The following ADAMTS2 variants were observed in gnomAD, a reference collection of about 807,000 sequenced individuals.
ADAMTS2 encodes the protein ADAM metallopeptidase with thrombospondin type 1 motif 2.
Under a neutral mutation model 123.0 loss-of-function variants are expected in ADAMTS2, and 50 were observed. The observed-to-expected ratio is 0.41, with a 90% confidence interval of 0.32 to 0.51. ADAMTS2 has a LOEUF of 0.51. Among genes scored for constraint, ADAMTS2 ranks in the 20% least tolerant of loss-of-function variants. The pLI is 0.35. For missense variants in ADAMTS2, 1,494 were observed against 1,705.2 expected (o/e 0.88, Z 2.18); for synonymous variants, 678 against 695.4 (o/e 0.98, Z 0.39).
intron 3 of ADAMTS2, among the ~76,000 whole-genome samples, chr5:179,266,230 C>T (rs796734233): frequency 7.9e-5 from 12 of 152,308 alleles, no homozygotes; most frequent in African/African-American, 2.4e-4. Flanking sequence ...GACCCCCGGA[C>T]GTCCATGTCC....
intron 21 of ADAMTS2, among the ~76,000 whole-genome samples, chr5:179,119,677 T>C (rs1366855006): frequency 6.6e-6 from 1 of 152,176 alleles, no homozygotes; most frequent in Admixed American, 6.5e-5. Flanking sequence ...CTGAGCCGGA[T>C]GGGCACCTCT....
chr5:179,131,113 C>G (rs1246155387), intron 15 of ADAMTS2, among the ~76,000 whole-genome samples: 4 of 151,616 alleles, frequency 2.6e-5, no homozygotes, highest in African/African-American at 9.7e-5. Context: ...GAAATGGAGA[C>G]CATCCTGGCT....
At chr5:179,204,632 T>C (rs1181508356) in intron 4 of ADAMTS2, among the ~76,000 whole-genome samples, 4 of 152,202 alleles carry the variant, frequency 2.6e-5, no homozygotes, top group African/African-American at 4.8e-5. Context: ...CTTAGATCTG[T>C]CCTCAGGACT....
intron 1 of ADAMTS2, among the ~76,000 whole-genome samples, chr5:179,344,967 C>A (rs1757898632): frequency 6.6e-6 from 1 of 151,978 alleles, no homozygotes; most frequent in Non-Finnish European, 1.5e-5. Flanking sequence ...ACTCAGGAGC[C>A]GCCAGTGCTC....
At chr5:179,327,723 AGAAGAAGCAGCACCTG>A (rs1390346039) in intron 2 of ADAMTS2, among the ~76,000 whole-genome samples, 1 of 152,242 alleles carries the variant, frequency 6.6e-6, no homozygotes, top group Non-Finnish European at 1.5e-5. Context: ...CAGCATTCAC[AGAAGAAGCAGCACCTG>A]GTTCTCAATT....
rs1170675913 is a variant in ADAMTS2 at position 179,117,651 on chromosome 5, C to T, written c.3179-3327G>A. 6.6e-6 allele frequency among the ~76,000 whole-genome samples: 1 copy of T among 151,348 alleles called. No individual in the cohort carries two copies. The highest frequency in any genetic ancestry group is 1.5e-5 in the Non-Finnish European group (1 of 67,994). ...CACTGCAACCTCCGCCTCCTGGGTT[C>T]AAGAGCCTCCCGAGTAGCTGGGACT... On this transcript the variant is annotated intron_variant, in intron 21 of 21. Coordinates refer to ENST00000251582, the MANE Select transcript of ADAMTS2 (RefSeq NM_014244.5). The surrounding 1 kb of genome is among the most constrained non-coding windows in gnomAD (Gnocchi z 4.2).
rs1764231474 is a variant in ADAMTS2, at chr5:179,188,816, C to T, written c.892-7661G>A. On this transcript the variant is annotated intron_variant, in intron 4 of 21. Transcript: ENST00000251582. This position sits in a 1 kb window ranked among gnomAD's most constrained non-coding sequence, Gnocchi z 5.1. ...GGGACGGGGCTCCTCCACTTCCAGG[C>T]CAGCTCATCAATGCACAGAGCCCAG... Among the ~76,000 whole-genome samples the T allele has an allele frequency of 6.6e-6, 1 of 152,122 alleles. No homozygotes were observed. The highest frequency in any genetic ancestry group is 2.4e-5 in the African/African-American group (1 of 41,404).
At chr5:179,222,849 G>T (rs533344558) in intron 3 of ADAMTS2, among the ~76,000 whole-genome samples, 38 of 152,292 alleles carry the variant, frequency 2.5e-4, no homozygotes, top group African/African-American at 8.7e-4. Flanking sequence ...AGCAGCCCCT[G>T]CAGGGCCCAG....
At chr5:179,275,876 G>A (rs916144793) in intron 2 of ADAMTS2, among the ~76,000 whole-genome samples, 19 of 152,186 alleles carry the variant, frequency 1.2e-4, no homozygotes, top group African/African-American at 4.1e-4. Flanking sequence ...GTGGGTGGCC[G>A]GCAAAGTGGG....
intron 5 of ADAMTS2, among the ~76,000 whole-genome samples, chr5:179,169,629 CT>C (rs1763776366): frequency 6.6e-6 from 1 of 152,168 alleles, no homozygotes; most frequent in African/African-American, 2.4e-5. Flanking sequence ...ACCTCATCCC[CT>C]GTCCCAGATC....
At position 179,345,243 on chromosome 5, in the gene ADAMTS2, G is replaced by C; in HGVS notation, c.86C>G (p.Pro29Arg). Reference sequence around the variant, plus strand: ...GGCGTTCGCGGGCGGCGGCGGCGGCGGCAGGAGCGGCGGCGGCAGCAGCAG... The same window carrying C: ...GGCGTTCGCGGGCGGCGGCGGCGGCCGCAGGAGCGGCGGCGGCAGCAGCAG... ...LLLLLPPPLL[P>R]PPPPPANARL... Residue 29 changes from proline to arginine, a missense_variant, in exon 1 of 22, where the codon CCG becomes CGG. Physicochemically the swap from Pro to Arg is moderately radical, Grantham distance 103 (BLOSUM62 -2). This residue lies in a region of ADAMTS2 where 237 missense variants were observed against 233.7 expected (regional missense o/e 1.01). Coordinates refer to ENST00000251582, the MANE Select transcript of ADAMTS2 (RefSeq NM_014244.5). This position sits in a 1 kb window ranked among gnomAD's most constrained non-coding sequence, Gnocchi z 7.5. 2 of 1,146,624 alleles carry C rather than the reference G, an allele frequency of 1.7e-6. No homozygotes were observed. Among genetic ancestry groups the C allele is most frequent in the Non-Finnish European group, 2.1e-6 (2 of 939,544 alleles). 71.0% of individuals were successfully genotyped at this position (1,146,624 alleles called of 1,614,324 possible).
At chr5:179,236,760 C>G (rs1410535807) in intron 3 of ADAMTS2, among the ~76,000 whole-genome samples, 4 of 152,212 alleles carry the variant, frequency 2.6e-5, no homozygotes, top group Non-Finnish European at 5.9e-5. Flanking sequence ...TGCTGCACTT[C>G]AGCCTGGGTG....
In ADAMTS2 at chr5:179,308,680, G is replaced by A. The variant is rs1756743003; in HGVS notation, c.534+35087C>T. ...AATTCCCAAGGCCTCTCAGAGAAGT[G>A]CCTCCTTCCTAAGGTGGTGTCCCAG... On this transcript the variant is annotated intron_variant, in intron 2 of 21. Coordinates refer to ENST00000251582, the MANE Select transcript of ADAMTS2 (RefSeq NM_014244.5). This position sits in a 1 kb window ranked among gnomAD's most constrained non-coding sequence, Gnocchi z 6.6. 6.6e-6 allele frequency among the ~76,000 whole-genome samples: 1 copy of A among 152,176 alleles called. No homozygotes were observed. Among genetic ancestry groups the A allele is most frequent in the South Asian group, 2.1e-4 (1 of 4,828 alleles).
Position 179,337,798 on chromosome 5 carries a change from T to C in ADAMTS2, c.534+5969A>G, listed in dbSNP as rs199835921. ...GCTGATTCCCTTACTCACCCAGGTGTGGCCCCTGTGAGCCTCACAGCAGGC... is the reference window on the plus strand; with the variant it reads ...GCTGATTCCCTTACTCACCCAGGTGCGGCCCCTGTGAGCCTCACAGCAGGC... On this transcript the variant is annotated intron_variant, in intron 2 of 21. Coordinates refer to ENST00000251582, the MANE Select transcript of ADAMTS2 (RefSeq NM_014244.5). Among the ~76,000 whole-genome samples, 1,447 of 150,078 alleles carry C rather than the reference T, an allele frequency of 9.6e-3. 26 individuals are homozygous for C. The highest frequency in any genetic ancestry group is 0.032 in the African/African-American group (1,314 of 40,834).
rs1210526561 is a variant in ADAMTS2 at position 179,207,735 on chromosome 5, T to C, written c.689-20A>G. 2 of 1,606,546 alleles carry C rather than the reference T, an allele frequency of 1.2e-6. No homozygotes were observed. Among genetic ancestry groups the C allele is most frequent in the Non-Finnish European group, 1.7e-6 (2 of 1,179,582 alleles). On this transcript the variant is annotated intron_variant, in intron 3 of 21. Coordinates refer to ENST00000251582, the MANE Select transcript of ADAMTS2 (RefSeq NM_014244.5). Reference sequence around the variant, plus strand: ...AGGCCCCTGCAAGGAGAGGACACCGTCTTCAGCGGCAGGGCAAACCCACCC... The same window carrying C: ...AGGCCCCTGCAAGGAGAGGACACCGCCTTCAGCGGCAGGGCAAACCCACCC...
At position 179,129,976 on chromosome 5, in the gene ADAMTS2, T is replaced by C. The variant is rs1762930117; in HGVS notation, c.2413A>G (p.Thr805Ala). Residue 805 changes from threonine to alanine, a missense_variant, in exon 16 of 22, where the codon ACG becomes GCG. Physicochemically the swap from Thr to Ala is moderately conservative, Grantham distance 58 (BLOSUM62 0). Around this residue, in one of 6 missense-constraint regions of ADAMTS2, gnomAD observed 953 missense variants for 1,124.7 expected, o/e 0.85. Transcript: ENST00000251582. This position sits in a 1 kb window ranked among gnomAD's most constrained non-coding sequence, Gnocchi z 4.1. ...TGGAGGGGGCCCATGGTCTGCAGCGTCTCCCGGCCGTCCTCGTCTCTGTAC... is the reference window on the plus strand; with the variant it reads ...TGGAGGGGGCCCATGGTCTGCAGCGCCTCCCGGCCGTCCTCGTCTCTGTAC... ...WEYRDEDGRE[T>A]LQTMGPLHGT... The C allele has an allele frequency of 6.2e-7, 1 of 1,613,842 alleles. No homozygotes were observed. The highest frequency in any genetic ancestry group is 1.1e-5 in the South Asian group (1 of 91,084).
chr5:179,207,645 C>T lies in ADAMTS2; in HGVS notation c.759G>A (p.Ser253=), dbSNP rs374180760. ...CAGCATGCCTGCGTGCCCTCCGCCT[C>T]GAGCTGTTGGCGTGCTCCTCTAGGA... The part of the protein sequence containing the change: ...LGVLEEHANS[S]RRRARRHAAD... Residue 253 remains serine (S), a synonymous_variant, in exon 4 of 22, where the codon TCG becomes TCA. Coordinates refer to ENST00000251582, the MANE Select transcript of ADAMTS2 (RefSeq NM_014244.5). 3.1e-4 allele frequency: 503 copies of T among 1,613,626 alleles called. 1 individual carries two copies. The highest frequency in any genetic ancestry group is 1.4e-3 in the Admixed American group (84 of 60,006).
At chr5:179,296,070 G>A (rs931307297) in intron 2 of ADAMTS2, among the ~76,000 whole-genome samples, 8 of 152,356 alleles carry the variant, frequency 5.3e-5, no homozygotes, top group East Asian at 1.9e-4. Flanking sequence ...AGAGCAAACC[G>A]AGGAGCTGGC....
At chr5:179,249,110 A>G (rs1307752120) in intron 3 of ADAMTS2, among the ~76,000 whole-genome samples, 1 of 152,180 alleles carries the variant, frequency 6.6e-6, no homozygotes, top group African/African-American at 2.4e-5. Context: ...ACAAATATGT[A>G]GAAATTTAAC....
Sources: allele counts gnomAD v4.1 joint callset (sites outside exome capture counted in the v4.1 genomes callset), GRCh38; gene constraint gnomAD v4.1.1; regional missense constraint gnomAD v4.1.1; non-coding constraint Gnocchi (gnomAD v3.1); transcripts MANE v1.5; gene names NCBI Gene and HGNC (gene_info 2026-07-23, HGNC 2026-07-21).